Variants in ZNF804B observed in about 807,000 individuals in gnomAD.
ZNF804B encodes zinc finger protein 804B, also known as zinc finger 804B.
In ZNF804B, 80 loss-of-function variants were observed where a neutral mutation model predicts 101.4. The observed-to-expected ratio is 0.79, with a 90% CI of 0.66 to 0.95. The LOEUF (loss-of-function observed/expected upper bound fraction) is 0.95. ZNF804B is among the 40% of genes least tolerant of loss of function. ZNF804B has a pLI of 0.00. For synonymous variants in ZNF804B, 622 were observed against 558.8 expected, an observed-to-expected ratio of 1.11 and a Z score of -1.59; for missense variants, 1,673 against 1,561.9, an observed-to-expected ratio of 1.07 and a Z score of -1.20.
At chr7:88,793,991 A>T in intron 1 of ZNF804B, 1 of 445,534 alleles carries the variant, frequency 2.2e-6, no homozygotes, top group Middle Eastern at 5.9e-4. Context: ...AATGTATTGA[A>T]CTTAATACCA....
chr7:89,077,390 A>G (rs923588320), intron 1 of ZNF804B, among the ~76,000 whole-genome samples: 1 of 152,178 alleles, frequency 6.6e-6, no homozygotes, highest in East Asian at 1.9e-4. Context: ...TAGCTGTAAG[A>G]TATAAAATCA....
intron 1 of ZNF804B, among the ~76,000 whole-genome samples, chr7:88,889,746 A>G (rs552672320): frequency 6.6e-6 from 1 of 152,116 alleles, no homozygotes; most frequent in Non-Finnish European, 1.5e-5. Context: ...CTCAGTTGAT[A>G]GTTTCTTTTG....
chr7:89,078,180 A>G (rs1311287336), intron 1 of ZNF804B, among the ~76,000 whole-genome samples: 2 of 152,124 alleles, frequency 1.3e-5, no homozygotes, highest in African/African-American at 4.8e-5. Context: ...TATTAAGGTG[A>G]ATCTCAGTGT....
At chr7:89,062,609 C>T (rs192094780) in intron 1 of ZNF804B, among the ~76,000 whole-genome samples, 5 of 152,140 alleles carry the variant, frequency 3.3e-5, no homozygotes, top group Admixed American at 3.3e-4. Flanking sequence ...GCCTGCTATA[C>T]AGTAGGTGTT....
intron 1 of ZNF804B, among the ~76,000 whole-genome samples, chr7:89,099,757 T>C (rs1485723092): frequency 2.0e-5 from 3 of 152,158 alleles, no homozygotes; most frequent in Non-Finnish European, 4.4e-5. Flanking sequence ...AGGCAAACTT[T>C]AGTTCTAGAA....
rs762611157 is a variant in ZNF804B, at chr7:89,335,378, G to A, written c.2396G>A (p.Arg799His). The change falls in exon 4 of 4, where the codon CGT becomes CAT. Residue 799 changes from arginine to histidine, a missense_variant. Arg to His is a conservative substitution (Grantham distance 29). Transcript: ENST00000333190. ...TTTAAAAATGAAAAATACTCAAAACGTAGATATTGTCACTGCAGAGAAAGA... is the reference window on the plus strand; with the variant it reads ...TTTAAAAATGAAAAATACTCAAAACATAGATATTGTCACTGCAGAGAAAGA... ...ESFKNEKYSK[R>H]RYCHCRERQK... The A allele has an allele frequency of 4.1e-5, 66 of 1,613,536 alleles. No individual in the cohort carries two copies. The highest frequency in any genetic ancestry group is 1.7e-4 in the Admixed American group (10 of 59,874).
At chr7:88,768,442 G>A (rs1401942899) in intron 1 of ZNF804B, among the ~76,000 whole-genome samples, 1 of 152,204 alleles carries the variant, frequency 6.6e-6, no homozygotes, top group Non-Finnish European at 1.5e-5. Flanking sequence ...ATTTGGCTAG[G>A]CGCAGTGGCT....
chr7:88,859,135 A>G (rs1270357046), intron 1 of ZNF804B, among the ~76,000 whole-genome samples: 1 of 152,026 alleles, frequency 6.6e-6, no homozygotes, highest in African/African-American at 2.4e-5. Flanking sequence ...CTCTTCACCA[A>G]TCAAATGAAT....
chr7:88,923,667 A>T (rs957330241), intron 1 of ZNF804B, among the ~76,000 whole-genome samples: 6 of 152,110 alleles, frequency 3.9e-5, no homozygotes, highest in African/African-American at 1.4e-4. Context: ...TAAAAGTAAT[A>T]ATGATTAATT....
intron 1 of ZNF804B, among the ~76,000 whole-genome samples, chr7:89,149,149 T>C (rs1365455286): frequency 1.3e-5 from 2 of 152,080 alleles, no homozygotes; most frequent in East Asian, 1.9e-4. Flanking sequence ...CTGGGATGGG[T>C]CACATCTTAT....
intron 1 of ZNF804B, among the ~76,000 whole-genome samples, chr7:89,017,258 G>T (rs528163054): frequency 6.6e-6 from 1 of 152,256 alleles, no homozygotes; most frequent in South Asian, 2.1e-4. Context: ...GGGTTTTCTA[G>T]ATATACAGTC....
chr7:89,001,705 T>G (rs1234135166), intron 1 of ZNF804B, among the ~76,000 whole-genome samples: 1 of 151,960 alleles, frequency 6.6e-6, no homozygotes, highest in African/African-American at 2.4e-5. Context: ...TGATTAGGGC[T>G]AAATAGTTAC....
At chr7:89,045,454 A>G (rs377185436) in intron 1 of ZNF804B, among the ~76,000 whole-genome samples, 200 of 152,288 alleles carry the variant, frequency 1.3e-3, no homozygotes, top group African/African-American at 4.6e-3. Context: ...TGCACCATGT[A>G]CCTGGAAAAT....
At chr7:89,165,993 A>T (rs557952871) in intron 1 of ZNF804B, among the ~76,000 whole-genome samples, 4 of 152,288 alleles carry the variant, frequency 2.6e-5, no homozygotes, top group Admixed American at 2.6e-4. Context: ...TTATTTGTAT[A>T]TAAGTTTTAT....
intron 1 of ZNF804B, among the ~76,000 whole-genome samples, chr7:88,969,110 C>T: frequency 6.6e-6 from 1 of 151,436 alleles, no homozygotes; most frequent in East Asian, 2.0e-4. Flanking sequence ...GATCAAATAA[C>T]CTATAACCTC....
chr7:88,822,213 A>C (rs1790992954), intron 1 of ZNF804B, among the ~76,000 whole-genome samples: 2 of 152,162 alleles, frequency 1.3e-5, no homozygotes, highest in Admixed American at 1.3e-4. Context: ...GAAACTTCTG[A>C]AATAGCCTTG....
At chr7:89,157,598 T>A (rs1465295676) in intron 1 of ZNF804B, among the ~76,000 whole-genome samples, 2 of 152,192 alleles carry the variant, frequency 1.3e-5, no homozygotes, top group African/African-American at 4.8e-5. Context: ...GTGGACTAAT[T>A]ATCTTGAGCA....
At chr7:88,980,276 A>G (rs1562850050) in intron 1 of ZNF804B, among the ~76,000 whole-genome samples, 1 of 152,016 alleles carries the variant, frequency 6.6e-6, no homozygotes, top group Admixed American at 6.6e-5. Flanking sequence ...GAAAGGTCAC[A>G]TATCTCTGTC....
chr7:88,774,268 A>C (rs1366703570), intron 1 of ZNF804B, among the ~76,000 whole-genome samples: 1 of 150,706 alleles, frequency 6.6e-6, no homozygotes, highest in East Asian at 2.0e-4. Context: ...GGATTACAGC[A>C]ATTGAAAGGC....
Sources: allele counts gnomAD v4.1 joint callset (sites outside exome capture counted in the v4.1 genomes callset), GRCh38; gene constraint gnomAD v4.1.1; transcripts MANE v1.5; gene names NCBI Gene and HGNC (gene_info 2026-07-23, HGNC 2026-07-21).